The following PPP2R2C variants were observed in gnomAD, a reference collection of about 807,000 sequenced individuals.
The protein encoded by PPP2R2C is protein phosphatase 2 regulatory subunit Bgamma.
Under a neutral mutation model 45.3 loss-of-function variants are expected in PPP2R2C, and 10 were observed. The ratio of observed to expected loss-of-function variants is 0.22; its 90% CI spans 0.14 to 0.37. The LOEUF is 0.37. PPP2R2C is among the 10% of genes least tolerant of loss of function. The pLI is 1.00. For missense variants in PPP2R2C, 308 were observed against 619.7 expected, an observed-to-expected ratio of 0.50 and a Z score of 5.34; for synonymous variants, 257 against 245.4, an observed-to-expected ratio of 1.05 and a Z score of -0.44.
upstream of PPP2R2C, among the ~76,000 whole-genome samples, chr4:6,476,886 G>T (rs987969911): frequency 2.0e-5 from 3 of 152,136 alleles, no homozygotes; most frequent in African/African-American, 7.2e-5. Context: ...CCCCACTGTT[G>T]TTGGGCACAT....
At chr4:6,498,120 G>A (rs770709474) in intron 2 of PPP2R2C, among the ~76,000 whole-genome samples, 4 of 152,176 alleles carry the variant, frequency 2.6e-5, no homozygotes, top group Non-Finnish European at 4.4e-5. Flanking sequence ...AGACACGATC[G>A]TGCAAATAAG....
At chr4:6,365,009 A>G (rs973950275) in intron 5 of PPP2R2C, among the ~76,000 whole-genome samples, 3 of 152,186 alleles carry the variant, frequency 2.0e-5, no homozygotes, top group African/African-American at 4.8e-5. Context: ...TTATGAAAAG[A>G]CAGCTCTTCC....
chr4:6,465,671 A>T (rs1430145247), intron 1 of PPP2R2C, among the ~76,000 whole-genome samples: 5 of 152,136 alleles, frequency 3.3e-5, no homozygotes, highest in Non-Finnish European at 1.5e-5. Flanking sequence ...AAAAAAGCTT[A>T]AACTCTTAGC....
chr4:6,504,158 G>A (rs1183926411), intron 2 of PPP2R2C, among the ~76,000 whole-genome samples: 1 of 152,208 alleles, frequency 6.6e-6, no homozygotes, highest in African/African-American at 2.4e-5. Flanking sequence ...AGGGAATGAG[G>A]AGGAAGAAAG....
intron 1 of PPP2R2C, among the ~76,000 whole-genome samples, chr4:6,406,996 T>G (rs12642310): frequency 0.28 from 42,432 of 151,814 alleles, 6,443 homozygotes; most frequent in East Asian, 0.68. Flanking sequence ...GGAGGTGATG[T>G]AAAAACCGAA....
intron 1 of PPP2R2C, chr4:6,421,117 A>T (rs1718931404): frequency 1.0e-6 from 1 of 985,088 alleles, no homozygotes; most frequent in African/African-American, 1.7e-5. Flanking sequence ...CCCAAAACAC[A>T]TGCAGGTATG....
At chr4:6,462,246 A>G (rs1368818094) in intron 1 of PPP2R2C, among the ~76,000 whole-genome samples, 2 of 152,180 alleles carry the variant, frequency 1.3e-5, no homozygotes, top group African/African-American at 2.4e-5. Flanking sequence ...ATAATAATGA[A>G]GGCAGATTAT....
chr4:6,443,286 T>C (rs1720246299), intron 1 of PPP2R2C, among the ~76,000 whole-genome samples: 1 of 152,252 alleles, frequency 6.6e-6, no homozygotes, highest in Admixed American at 6.5e-5. Context: ...GTGTCATCTC[T>C]GAAAACTGAA....
intron 1 of PPP2R2C, among the ~76,000 whole-genome samples, chr4:6,535,835 C>A (rs1200854642): frequency 6.6e-6 from 1 of 152,226 alleles, no homozygotes; most frequent in Non-Finnish European, 1.5e-5. Flanking sequence ...TGGCCAACTT[C>A]TGAGCCTGCG....
At chr4:6,527,979 G>A (rs1319371209) in intron 2 of PPP2R2C, among the ~76,000 whole-genome samples, 1 of 152,190 alleles carries the variant, frequency 6.6e-6, no homozygotes. Flanking sequence ...CATGATCCAC[G>A]GTCCCAGCAA....
At chr4:6,539,094 C>G (rs192860648) in intron 1 of PPP2R2C, among the ~76,000 whole-genome samples, 26 of 151,624 alleles carry the variant, frequency 1.7e-4, no homozygotes, top group Middle Eastern at 3.4e-3. Context: ...ATTGAGATGG[C>G]GTCATTAAGC....
At chr4:6,561,648 C>T (rs976170342) in intron 1 of PPP2R2C, among the ~76,000 whole-genome samples, 4 of 149,972 alleles carry the variant, frequency 2.7e-5, no homozygotes, top group African/African-American at 7.5e-5. Flanking sequence ...CACACCTATA[C>T]AGACATAGAG....
chr4:6,517,019 C>T (rs1723846788), intron 2 of PPP2R2C, among the ~76,000 whole-genome samples: 1 of 152,176 alleles, frequency 6.6e-6, no homozygotes, highest in Non-Finnish European at 1.5e-5. Context: ...CTTTAAAAAG[C>T]CCTGCTGCAG....
At position 6,364,621 on chromosome 4, in the gene PPP2R2C, C is replaced by T. The variant is rs1300789917; in HGVS notation, c.625+7902G>A. 6.6e-6 allele frequency among the ~76,000 whole-genome samples: 1 copy of T among 152,150 alleles called. No individual in the cohort carries two copies. The highest frequency in any genetic ancestry group is 1.9e-4 in the East Asian group (1 of 5,194). ...GCTTCCCAGATGTCATCGTAGCACC[C>T]AGTCCTCAAGCAGCCGTATGGTGTC... On this transcript the variant is annotated intron_variant, in intron 5 of 8. Transcript: ENST00000382599. The surrounding 1 kb of genome is among the most constrained non-coding windows in gnomAD (Gnocchi z 5.3).
At chr4:6,546,952 G>A (rs963014174) in intron 1 of PPP2R2C, among the ~76,000 whole-genome samples, 3 of 152,184 alleles carry the variant, frequency 2.0e-5, no homozygotes, top group African/African-American at 7.2e-5. Flanking sequence ...GGGAAGAAGA[G>A]CAACAGCTAA....
At chr4:6,350,354 G>C in intron 5 of PPP2R2C, 1 of 985,454 alleles carries the variant, frequency 1.0e-6, no homozygotes, top group Non-Finnish European at 1.2e-6. Context: ...CAGAGAAAAA[G>C]TGCGGCCACT....
At position 6,324,733 on chromosome 4, in the gene PPP2R2C, C is replaced by G. The variant is rs1731816514; in HGVS notation, c.1053-1140G>C. The stretch of plus-strand genomic sequence containing the variant: ...ACACCATTTCTCTGCTCTCCCTGCT[C>G]CTAAGGAGAAGGGGTTCCTGCCGGT... On this transcript the variant is annotated intron_variant, in intron 8 of 8. Coordinates refer to ENST00000382599, the MANE Select transcript of PPP2R2C (RefSeq NM_020416.4). This position sits in a 1 kb window ranked among gnomAD's most constrained non-coding sequence, Gnocchi z 4.1. Among the ~76,000 whole-genome samples the G allele has an allele frequency of 6.6e-6, 1 of 152,202 alleles. No homozygotes were observed. The highest frequency in any genetic ancestry group is 2.1e-4 in the South Asian group (1 of 4,830).
intron 1 of PPP2R2C, among the ~76,000 whole-genome samples, chr4:6,444,591 A>T (rs1237955065): frequency 6.6e-6 from 1 of 151,950 alleles, no homozygotes; most frequent in Non-Finnish European, 1.5e-5. Context: ...ATTTTTCCCT[A>T]CCCCACCACT....
intron 1 of PPP2R2C, among the ~76,000 whole-genome samples, chr4:6,430,057 A>C (rs1276744906): frequency 6.6e-6 from 1 of 152,306 alleles, no homozygotes; most frequent in South Asian, 2.1e-4. Flanking sequence ...AAGCCTCACT[A>C]GTCCCCACCT....
Sources: allele counts gnomAD v4.1 joint callset (sites outside exome capture counted in the v4.1 genomes callset), GRCh38; gene constraint gnomAD v4.1.1; non-coding constraint Gnocchi (gnomAD v3.1); transcripts MANE v1.5; gene names NCBI Gene and HGNC (gene_info 2026-07-23, HGNC 2026-07-21).